The following TET2 variants were observed in gnomAD, a reference collection of about 807,000 sequenced individuals.
The protein encoded by TET2 is methylcytosine dioxygenase TET2.
TET2 carries 299 observed loss-of-function variants against 142.9 expected under a neutral mutation model. That is an observed-to-expected ratio of 2.09 (90% CI 1.90 to 2.30). The LOEUF is 2.30. Ranked by LOEUF, TET2 falls within the 30% of genes most tolerant of loss-of-function variation. TET2 has a pLI of 0.00. For missense variants in TET2, 2,418 were observed against 2,378.0 expected (o/e 1.02, Z -0.35); for synonymous variants, 819 against 849.0 (o/e 0.96, Z 0.61).
At chr4:105,185,441 A>G (rs1437143827) in intron 1 of TET2, among the ~76,000 whole-genome samples, 1 of 152,140 alleles carries the variant, frequency 6.6e-6, no homozygotes, top group Non-Finnish European at 1.5e-5. Flanking sequence ...TTTTTTTTCT[A>G]AATCTATTTG....
chr4:105,237,298 T>G lies in TET2; in HGVS notation c.3356T>G (p.Leu1119Ter). Residue 1119 changes from leucine to a stop codon, truncating the protein, a stop_gained, in exon 3 of 11, where the codon TTA (leucine) becomes TGA (stop). Transcript: ENST00000380013. LOFTEE classifies it high-confidence loss of function. ...SKLLDTPIKN[L>*]LDTPVKTQYD... ...TTACTAGATACTCCTATAAAAAATT[T>G]ATTGGATACACCTGTCAAGACTCAA... 6.2e-7 allele frequency: 1 copy of G among 1,614,172 alleles called. No individual in the cohort carries two copies.
intron 2 of TET2, among the ~76,000 whole-genome samples, chr4:105,220,213 T>C (rs1169812941): frequency 6.6e-6 from 1 of 152,164 alleles, no homozygotes; most frequent in Admixed American, 6.5e-5. Flanking sequence ...AGAACCCATT[T>C]GTTGGCCTTA....
chr4:105,164,373 C>T (rs1368786193), intron 1 of TET2, among the ~76,000 whole-genome samples: 1 of 152,210 alleles, frequency 6.6e-6, no homozygotes, highest in Admixed American at 6.5e-5. Flanking sequence ...GAATCTGCTT[C>T]TCTACCTGTA....
intron 1 of TET2, among the ~76,000 whole-genome samples, chr4:105,165,090 G>C (rs1724083453): frequency 6.6e-6 from 1 of 152,068 alleles, no homozygotes; most frequent in Non-Finnish European, 1.5e-5. Flanking sequence ...AAAGATAGAT[G>C]ATAGCCGGGT....
upstream of TET2, chr4:105,146,247 A>T (rs1436611103): frequency 6.6e-6 from 1 of 152,312 alleles, no homozygotes; most frequent in African/African-American, 2.4e-5. Context: ...AGACCAGCAA[A>T]AAGTTTCAAA....
chr4:105,239,850 T>C (rs758460634), intron 3 of TET2: 4 of 232,662 alleles, frequency 1.7e-5, no homozygotes, highest in Non-Finnish European at 3.5e-5. Flanking sequence ...TGATTTAAAG[T>C]GGCAGGCATA....
At chr4:105,244,761 A>T (rs1729504616) in intron 6 of TET2, among the ~76,000 whole-genome samples, 1 of 151,760 alleles carries the variant, frequency 6.6e-6, no homozygotes, top group Admixed American at 6.6e-5. Context: ...ACACCCGGCT[A>T]ATTTTGTATT....
At chr4:105,238,621 C>T in intron 3 of TET2, 1 of 244,342 alleles carries the variant, frequency 4.1e-6, no homozygotes. Flanking sequence ...AGTAACTCAG[C>T]CCCATCTTCA....
At chr4:105,254,615 T>C (rs978201680) in intron 6 of TET2, among the ~76,000 whole-genome samples, 2 of 152,130 alleles carry the variant, frequency 1.3e-5, no homozygotes, top group Non-Finnish European at 2.9e-5. Flanking sequence ...TTTTCCTATG[T>C]TGCCCAGTGT....
At chr4:105,188,584 A>T (rs1206697014) in intron 1 of TET2, among the ~76,000 whole-genome samples, 4 of 152,236 alleles carry the variant, frequency 2.6e-5, no homozygotes, top group Non-Finnish European at 5.9e-5. Context: ...AGCATTATTT[A>T]TGAGGCTAAA....
intron 2 of TET2, among the ~76,000 whole-genome samples, chr4:105,220,520 C>A (rs77359343): frequency 0.04 from 6,021 of 152,192 alleles, 262 homozygotes; most frequent in East Asian, 0.19. Flanking sequence ...AGTAGGGGAG[C>A]CTCACTCCTG....
chr4:105,179,089 C>A (rs1242917430), intron 1 of TET2, among the ~76,000 whole-genome samples: 2 of 152,178 alleles, frequency 1.3e-5, no homozygotes, highest in Non-Finnish European at 2.9e-5. Context: ...ATGGGGGCAA[C>A]TGCCCCCATG....
At chr4:105,200,335 GTCT>G (rs1726377983) in intron 2 of TET2, among the ~76,000 whole-genome samples, 1 of 152,152 alleles carries the variant, frequency 6.6e-6, no homozygotes, top group South Asian at 2.1e-4. Flanking sequence ...CCGCATGTAT[GTCT>G]TCTTTTGTAA....
chr4:105,272,643 A>G lies in TET2; in HGVS notation c.4262A>G (p.Tyr1421Cys). Residue 1421 changes from tyrosine (Y) to cysteine (C), a missense_variant, in exon 10 of 11, where the codon TAC becomes TGC. Coordinates refer to ENST00000380013, the MANE Select transcript of TET2 (RefSeq NM_001127208.3). Reference protein sequence around the residue: ...EDEQLHVLPLYKVSDVDEFGS... With the variant: ...EDEQLHVLPLCKVSDVDEFGS... ...GAGCAGCTTCACGTTCTGCCTTTAT[A>G]CAAAGTCTCTGACGTGGATGAGTTT... The G allele has an allele frequency of 6.4e-7, 1 of 1,551,654 alleles. No individual in the cohort carries two copies. Among genetic ancestry groups the G allele is most frequent in the Non-Finnish European group, 8.7e-7 (1 of 1,146,958 alleles).
At position 105,219,171 on chromosome 4, in the gene TET2, G is replaced by T. The variant is rs546635868; in HGVS notation, c.-46-14726G>T. On this transcript the variant is annotated intron_variant, in intron 2 of 10. Coordinates refer to ENST00000380013, the MANE Select transcript of TET2 (RefSeq NM_001127208.3). ...TTGATAGCTCATGGATGTGCAGTTG[G>T]TTTAATGGCATCTCCATTATTAATC... Among the ~76,000 whole-genome samples the T allele has an allele frequency of 3.3e-5, 5 of 152,170 alleles. No homozygotes were observed. The East Asian group carries it at 9.6e-4, about 29-fold the overall frequency.
At position 105,233,383 on chromosome 4, in the gene TET2, C is replaced by CAA. The variant is rs34890297; in HGVS notation, c.-46-497_-46-496dup. Among the ~76,000 whole-genome samples, 9 of 76,140 alleles carry CAA rather than the reference C, an allele frequency of 1.2e-4. 2 individuals are homozygous for CAA. Among genetic ancestry groups the CAA allele is most frequent in the African/African-American group, 5.5e-4 (9 of 16,278 alleles). The allele number at this position is 76,140 out of a possible 152,430, so 50.0% of individuals were successfully genotyped here. A position where few individuals can be genotyped will look rare whatever the true frequency, so the allele number is the denominator to read the frequency against. ...TGGGCAAGAGAGTGAGACTCCATCT[C>CAA]AAAAAAAAAAAAAAAAAAGCTACTG... On this transcript the variant is annotated intron_variant, in intron 2 of 10. Transcript: ENST00000380013.
At chr4:105,226,872 C>T (rs1405337570) in intron 2 of TET2, among the ~76,000 whole-genome samples, 1 of 152,118 alleles carries the variant, frequency 6.6e-6, no homozygotes, top group East Asian at 1.9e-4. Context: ...ACATACCTTT[C>T]AAAAGGTTAA....
At position 105,269,704 on chromosome 4, in the gene TET2, A is replaced by G. The variant is rs1242290571; in HGVS notation, c.4139A>G (p.His1380Arg). ...ACTGCATGTTTGGACTTCTGTGCTC[A>G]TGCCCACAGAGACTTGCACAACATG... ...GVTACLDFCA[H>R]AHRDLHNMQN... Residue 1380 changes from histidine (H) to arginine (R), a missense_variant, in exon 9 of 11, where the codon CAT becomes CGT. Coordinates refer to ENST00000380013, the MANE Select transcript of TET2 (RefSeq NM_001127208.3). 2 of 1,551,680 alleles carry G rather than the reference A, an allele frequency of 1.3e-6. No homozygotes were observed. The highest frequency in any genetic ancestry group is 1.7e-6 in the Non-Finnish European group (2 of 1,146,948).
Position 105,259,706 on chromosome 4 carries a change from A to ATG in TET2, c.3893_3894dup (p.Lys1299ValfsTer65). ...GTTCATGGAGCATGTACTACAATGG[A>ATG]TGTAAGTTTGCCAGAAGCAAGATCC... On this transcript the variant is annotated frameshift_variant, in exon 7 of 11. Transcript: ENST00000380013. LOFTEE classifies it high-confidence loss of function. 6.4e-7 allele frequency: 1 copy of ATG among 1,551,150 alleles called. No individual in the cohort carries two copies. Among genetic ancestry groups the ATG allele is most frequent in the Non-Finnish European group, 8.7e-7 (1 of 1,146,616 alleles).
Sources: gnomAD v4.1 joint callset for allele counts (sites outside exome capture counted in the v4.1 genomes callset) on GRCh38, gnomAD v4.1.1 for gene constraint, MANE v1.5 for transcripts, NCBI Gene and HGNC (gene_info 2026-07-23, HGNC 2026-07-21) for gene names.